SLC22A25: variants seen among roughly 807,000 people sequenced by gnomAD.
SLC22A25 encodes solute carrier family 22 member 25.
Under a neutral mutation model 45.9 loss-of-function variants are expected in SLC22A25, and 44 were observed. The ratio of observed to expected loss-of-function variants is 0.96; its 90% CI spans 0.75 to 1.23. The LOEUF is 1.23. Ranked by LOEUF, SLC22A25 falls within the 50% of genes most tolerant of loss-of-function variation. SLC22A25 has a pLI of 0.00. For synonymous variants in SLC22A25, 283 were observed against 238.6 expected (o/e 1.19, Z -1.72); for missense variants, 800 against 666.4 (o/e 1.20, Z -2.21).
intron 7 of SLC22A25, among the ~76,000 whole-genome samples, chr11:63,187,452 C>T (rs1029604696): frequency 1.3e-5 from 2 of 152,080 alleles, no homozygotes; most frequent in African/African-American, 4.8e-5. Flanking sequence ...TGGGCTGAGA[C>T]AATGGGGTTT....
chr11:63,205,193 C>T (rs2089364089), intron 7 of SLC22A25, among the ~76,000 whole-genome samples: 1 of 152,116 alleles, frequency 6.6e-6, no homozygotes, highest in African/African-American at 2.4e-5. Flanking sequence ...GCACTAAATG[C>T]CCACAGAGGA....
intron 3 of SLC22A25, among the ~76,000 whole-genome samples, chr11:63,236,492 A>T (rs2090166470): frequency 6.6e-6 from 1 of 152,220 alleles, no homozygotes; most frequent in South Asian, 2.1e-4. Flanking sequence ...CCCATTGGAA[A>T]AGCATAGTAT....
rs568343998 is a variant in SLC22A25 at position 63,219,809 on chromosome 11, C to T, written c.507-2074G>A. 53 of 767,602 alleles carry T rather than the reference C, an allele frequency of 6.9e-5. No individual in the cohort carries two copies. The African/African-American group carries it at 9.1e-4, about 13-fold the overall frequency. The allele number at this position is 767,602 out of a possible 1,614,324, so 47.5% of individuals were successfully genotyped here. A position where few individuals can be genotyped will look rare whatever the true frequency, so the allele number is the denominator to read the frequency against. On this transcript the variant is annotated intron_variant, in intron 5 of 11. Coordinates refer to ENST00000306494, the MANE Select transcript of SLC22A25 (RefSeq NM_199352.6). ...TGATCCATTAAAATTGGTTTATCTG[C>T]ATTTTCTCATGGCACTGTCCCAGAG...
intron 7 of SLC22A25, among the ~76,000 whole-genome samples, chr11:63,188,999 G>C (rs553885995): frequency 7.9e-4 from 121 of 152,252 alleles, no homozygotes; most frequent in African/African-American, 2.9e-3. Context: ...GTGCGGTGTG[G>C]TGCTGAGAAG....
chr11:63,242,035 T>C (rs939901489), intron 1 of SLC22A25, among the ~76,000 whole-genome samples: 2 of 152,230 alleles, frequency 1.3e-5, no homozygotes, highest in Non-Finnish European at 2.9e-5. Flanking sequence ...AATGGAGATA[T>C]TTTGGGTGTG....
intron 3 of SLC22A25, among the ~76,000 whole-genome samples, chr11:63,230,709 G>C (rs1282704885): frequency 6.6e-6 from 1 of 152,124 alleles, no homozygotes; most frequent in East Asian, 1.9e-4. Flanking sequence ...GTGCAGATTT[G>C]TTACATATGT....
At chr11:63,205,322 T>A (rs1289309745) in intron 7 of SLC22A25, among the ~76,000 whole-genome samples, 5 of 151,312 alleles carry the variant, frequency 3.3e-5, no homozygotes, top group Non-Finnish European at 5.9e-5. Context: ...AGAGCAGAAA[T>A]GAGAGATAGA....
At chr11:63,186,804 C>T (rs2088569323) in intron 7 of SLC22A25, among the ~76,000 whole-genome samples, 1 of 152,128 alleles carries the variant, frequency 6.6e-6, no homozygotes, top group Non-Finnish European at 1.5e-5. Context: ...AATAGGGAAT[C>T]CTTTCCCTAT....
intron 7 of SLC22A25, among the ~76,000 whole-genome samples, chr11:63,214,477 A>T (rs2089659567): frequency 6.6e-6 from 1 of 152,212 alleles, no homozygotes; most frequent in Non-Finnish European, 1.5e-5. Flanking sequence ...CCCCTGAGAA[A>T]CAGAAAGAGC....
At chr11:63,178,488 G>A (rs1450521567) in intron 9 of SLC22A25, among the ~76,000 whole-genome samples, 1 of 129,858 alleles carries the variant, frequency 7.7e-6, no homozygotes, top group Non-Finnish European at 1.7e-5. Context: ...TTTTTTTTTT[G>A]TCTTTTTGAT....
chr11:63,199,776 C>T (rs1019843825), intron 7 of SLC22A25, among the ~76,000 whole-genome samples: 9 of 151,824 alleles, frequency 5.9e-5, no homozygotes, highest in Admixed American at 5.9e-4. Flanking sequence ...ACACCTGAAG[C>T]CACTACCCAA....
At chr11:63,164,704 G>T in intron 10 of SLC22A25, 70 bp from the exon 11 acceptor site, 2 of 1,279,196 alleles carry the variant, frequency 1.6e-6, no homozygotes, top group African/African-American at 1.5e-5. Context: ...CAAGGTAGAA[G>T]TGAAAAGGAC....
At chr11:63,195,740 G>A (rs983641401) in intron 7 of SLC22A25, among the ~76,000 whole-genome samples, 20 of 152,080 alleles carry the variant, frequency 1.3e-4, no homozygotes, top group Non-Finnish European at 2.4e-4. Context: ...CAGAAGGCAA[G>A]AAATAACTAA....
intron 7 of SLC22A25, among the ~76,000 whole-genome samples, chr11:63,191,689 A>AC (rs558628801): frequency 2.5e-3 from 376 of 151,880 alleles, no homozygotes; most frequent in African/African-American, 8.5e-3. Flanking sequence ...TCTTGGCTCC[A>AC]CCCCCCCAAT....
chr11:63,211,901 C>A (rs1312315891), intron 7 of SLC22A25, among the ~76,000 whole-genome samples: 1 of 151,910 alleles, frequency 6.6e-6, no homozygotes, highest in Non-Finnish European at 1.5e-5. Context: ...TGGGAGAAAA[C>A]TTTTGCAATC....
intron 7 of SLC22A25, among the ~76,000 whole-genome samples, chr11:63,201,768 G>A (rs986385807): frequency 1.4e-4 from 21 of 151,844 alleles, no homozygotes; most frequent in Admixed American, 2.6e-4. Context: ...ATCCAATAAA[G>A]GTCTGATATT....
chr11:63,237,757 A>C (rs971275527), intron 3 of SLC22A25, among the ~76,000 whole-genome samples, 124 bp downstream of exon 3: 10 of 152,200 alleles, frequency 6.6e-5, no homozygotes, highest in Admixed American at 2.0e-4. Context: ...CCCTCACCAC[A>C]CAGATTGTAG....
rs772108334 is a variant in SLC22A25, at chr11:63,229,463, G to T, written c.190C>A (p.Pro64Thr). ...LDNDTIPDND[P>T]GTLSQDALLR... ...AGGGCATCCTGGCTGAGGGTCCCAG[G>T]GTCATTGTCAGGGATAGTGTCATTG... Residue 64 changes from proline to threonine, a missense_variant, in exon 4 of 12, where the codon CCT (proline) becomes ACT (threonine). Coordinates refer to ENST00000306494, the MANE Select transcript of SLC22A25 (RefSeq NM_199352.6). 6 of 1,614,104 alleles carry T rather than the reference G, an allele frequency of 3.7e-6. No homozygotes were observed. The Middle Eastern group carries it at 4.9e-4, about 133-fold the overall frequency.
chr11:63,195,674 C>A (rs1402985509), intron 7 of SLC22A25, among the ~76,000 whole-genome samples: 1 of 152,042 alleles, frequency 6.6e-6, no homozygotes, highest in Non-Finnish European at 1.5e-5. Flanking sequence ...AATTGACACC[C>A]TAACATCGCA....
Sources: gnomAD v4.1 joint callset for allele counts (sites outside exome capture counted in the v4.1 genomes callset) on GRCh38, gnomAD v4.1.1 for gene constraint, MANE v1.5 for transcripts, NCBI Gene and HGNC (gene_info 2026-07-23, HGNC 2026-07-21) for gene names.